ADAMTS17: variants seen among roughly 807,000 people sequenced by gnomAD.
ADAMTS17 encodes the protein A disintegrin and metalloproteinase with thrombospondin motifs 17.
A neutral mutation model predicts 141.5 loss-of-function variants in ADAMTS17; 113 were observed. That is an observed-to-expected ratio of 0.80 (90% confidence interval 0.69 to 0.93). The LOEUF is 0.93. ADAMTS17 is among the 40% of genes least tolerant of loss of function. The pLI, the probability that ADAMTS17 is intolerant of heterozygous loss-of-function variation, is 0.00. For missense variants in ADAMTS17, 1,659 were observed against 1,517.9 expected, an observed-to-expected ratio of 1.09 and a Z score of -1.54; for synonymous variants, 768 against 630.6, an observed-to-expected ratio of 1.22 and a Z score of -3.27.
chr15:100,281,612 G>A (rs1412252594), intron 3 of ADAMTS17, among the ~76,000 whole-genome samples: 1 of 152,188 alleles, frequency 6.6e-6, no homozygotes, highest in Non-Finnish European at 1.5e-5. Context: ...TAACAGCTAT[G>A]AGGCCAGATG....
chr15:99,995,976 T>G (rs557139944), intron 19 of ADAMTS17, among the ~76,000 whole-genome samples: 1 of 152,246 alleles, frequency 6.6e-6, no homozygotes, highest in Non-Finnish European at 1.5e-5. Flanking sequence ...GTAGAGATCT[T>G]CAGGGCTGTA....
chr15:100,230,108 A>G lies in ADAMTS17; in HGVS notation c.1075+24028T>C, dbSNP rs1016512473. Among the ~76,000 whole-genome samples, 67 of 152,272 alleles carry G rather than the reference A, an allele frequency of 4.4e-4. 1 individual carries two copies. The highest frequency in any genetic ancestry group is 3.5e-3 in the Admixed American group (53 of 15,294). ...CATAACCAACACCGGGCACTTAAAC[A>G]TAACCAGGGGCATATTAACTGAGAA... On this transcript the variant is annotated intron_variant, in intron 7 of 21. Transcript: ENST00000268070.
At chr15:100,136,600 G>A (rs1409220815) in intron 10 of ADAMTS17, among the ~76,000 whole-genome samples, 1 of 152,214 alleles carries the variant, frequency 6.6e-6, no homozygotes, top group Non-Finnish European at 1.5e-5. Flanking sequence ...GCAGGAGGGG[G>A]CTTTCTCTAT....
intron 8 of ADAMTS17, among the ~76,000 whole-genome samples, chr15:100,176,062 C>T (rs1164016873): frequency 1.3e-5 from 2 of 152,214 alleles, no homozygotes; most frequent in African/African-American, 2.4e-5. Context: ...GCGCAAACTC[C>T]CTCATGAGGT....
chr15:100,207,591 A>T (rs941768138), intron 7 of ADAMTS17, among the ~76,000 whole-genome samples: 2 of 152,218 alleles, frequency 1.3e-5, no homozygotes, highest in Admixed American at 6.5e-5. Flanking sequence ...ACTGATCTGG[A>T]AAGTTGTAGG....
chr15:100,021,756 G>C (rs140108215), intron 18 of ADAMTS17, among the ~76,000 whole-genome samples: 2 of 152,234 alleles, frequency 1.3e-5, no homozygotes, highest in African/African-American at 4.8e-5. Context: ...ATGAAGGTAA[G>C]GGGAACAAGC....
chr15:100,102,338 G>A lies in ADAMTS17; in HGVS notation c.2017-5862C>T, dbSNP rs982539792. Among the ~76,000 whole-genome samples, 20 of 132,928 alleles carry A rather than the reference G, an allele frequency of 1.5e-4. 1 individual carries two copies. The highest frequency in any genetic ancestry group is 6.8e-4 in the Admixed American group (9 of 13,256). 87.2% of individuals were successfully genotyped at this position (132,928 alleles called of 152,430 possible). The stretch of plus-strand genomic sequence containing the variant: ...GGGGATCTACATTTGAGGGCCGACC[G>A]AAGGGGATCTACATTTGAGGGCCAA... On this transcript the variant is annotated intron_variant, in intron 14 of 21. Coordinates refer to ENST00000268070, the MANE Select transcript of ADAMTS17 (RefSeq NM_139057.4).
intron 18 of ADAMTS17, among the ~76,000 whole-genome samples, chr15:100,016,033 C>G (rs1248047187): frequency 6.6e-6 from 1 of 152,190 alleles, no homozygotes; most frequent in Non-Finnish European, 1.5e-5. Context: ...TTAACATAAT[C>G]CCAGACTTCT....
At chr15:100,040,139 G>T (rs1431402383) in intron 18 of ADAMTS17, among the ~76,000 whole-genome samples, 1 of 152,206 alleles carries the variant, frequency 6.6e-6, no homozygotes, top group Admixed American at 6.5e-5. Context: ...GTAAGAGTCA[G>T]CCAGCAGAGG....
intron 17 of ADAMTS17, among the ~76,000 whole-genome samples, chr15:100,049,627 A>G (rs1222133664): frequency 6.6e-6 from 1 of 152,318 alleles, no homozygotes; most frequent in South Asian, 2.1e-4. Context: ...AGCACCCTAA[A>G]CACTGCACGG....
At chr15:100,137,111 G>A (rs2038373804) in intron 10 of ADAMTS17, among the ~76,000 whole-genome samples, 1 of 152,210 alleles carries the variant, frequency 6.6e-6, no homozygotes, top group African/African-American at 2.4e-5. Flanking sequence ...GTTACCACAG[G>A]ACGACCCTTG....
intron 7 of ADAMTS17, among the ~76,000 whole-genome samples, chr15:100,251,831 C>T (rs28713259): frequency 0.018 from 2,686 of 152,270 alleles, 97 homozygotes; most frequent in African/African-American, 0.062. Context: ...GGAGAGAGAA[C>T]AGGCAGGTGC....
chr15:100,105,929 G>A (rs949313811), intron 14 of ADAMTS17, among the ~76,000 whole-genome samples: 4 of 152,094 alleles, frequency 2.6e-5, no homozygotes, highest in African/African-American at 7.2e-5. Flanking sequence ...GACCTCCAGT[G>A]ATCTGCCCGC....
intron 15 of ADAMTS17, among the ~76,000 whole-genome samples, chr15:100,086,794 G>A (rs985602526): frequency 1.5e-4 from 22 of 150,492 alleles, no homozygotes; most frequent in African/African-American, 5.2e-4. Flanking sequence ...TGAAACCAAT[G>A]AGAACAAAGA....
intron 7 of ADAMTS17, among the ~76,000 whole-genome samples, chr15:100,248,647 G>T (rs2043059575): frequency 6.6e-6 from 1 of 152,216 alleles, no homozygotes. Flanking sequence ...GGGGATGGTG[G>T]CTTGTTCCAG....
intron 3 of ADAMTS17, among the ~76,000 whole-genome samples, chr15:100,294,028 T>C (rs1252524838): frequency 2.0e-5 from 3 of 152,166 alleles, no homozygotes; most frequent in Non-Finnish European, 2.9e-5. Flanking sequence ...TGGGTGAGTT[T>C]CCTTGTCTAT....
intron 15 of ADAMTS17, among the ~76,000 whole-genome samples, chr15:100,087,323 C>T (rs910212840): frequency 6.6e-6 from 1 of 152,122 alleles, no homozygotes; most frequent in Admixed American, 6.6e-5. Context: ...CAATAACAGG[C>T]TCAAAAATTT....
intron 20 of ADAMTS17, among the ~76,000 whole-genome samples, chr15:99,977,073 T>C (rs1050636095): frequency 6.6e-6 from 1 of 152,018 alleles, no homozygotes; most frequent in African/African-American, 2.4e-5. Flanking sequence ...AGCCCAGTAA[T>C]GACTGGGGTT....
In ADAMTS17 at chr15:100,336,020, A is replaced by G. The variant is rs1048343137; in HGVS notation, c.451-4966T>C. ...CACACATCCAAGATCAGGCAGCTGC[A>G]GTATTTCAGAGTTCAGGAAGTAAGC... is the stretch of plus-strand genomic sequence containing the variant. On this transcript the variant is annotated intron_variant, in intron 2 of 21. Transcript: ENST00000268070. Among the ~76,000 whole-genome samples, 17 of 152,378 alleles carry G rather than the reference A, an allele frequency of 1.1e-4. No individual in the cohort carries two copies. In the Middle Eastern group the frequency reaches 0.01, roughly 91 times the overall value.
Sources: allele counts gnomAD v4.1 joint callset (sites outside exome capture counted in the v4.1 genomes callset), GRCh38; gene constraint gnomAD v4.1.1; transcripts MANE v1.5; gene names NCBI Gene and HGNC (gene_info 2026-07-23, HGNC 2026-07-21).